Variants in NPTXR observed in about 807,000 individuals in gnomAD.
NPTXR encodes neuronal pentraxin receptor.
In NPTXR, 12 loss-of-function variants were observed where a neutral mutation model predicts 32.2. The ratio of observed to expected loss-of-function variants is 0.37; its 90% CI spans 0.24 to 0.60. The LOEUF (loss-of-function observed/expected upper bound fraction) is 0.60. NPTXR is among the 20% of genes least tolerant of loss of function. The pLI is 0.66. For missense variants in NPTXR, 612 were observed against 682.9 expected (o/e 0.90, Z 1.16); for synonymous variants, 323 against 315.8 (o/e 1.02, Z -0.24).
At position 38,821,000 on chromosome 22, in the gene NPTXR, T is replaced by G. The variant is rs950142313; in HGVS notation, c.*1609A>C. The G allele has an allele frequency of 6.6e-6, 1 of 152,344 alleles. No individual in the cohort carries two copies. Among genetic ancestry groups the G allele is most frequent in the African/African-American group, 2.4e-5 (1 of 41,430 alleles). The allele number at this position is 152,344 out of a possible 1,614,324, so 9.4% of individuals were successfully genotyped here. A position where few individuals can be genotyped will look rare whatever the true frequency, so the allele number is the denominator to read the frequency against. On this transcript the variant is annotated 3_prime_UTR_variant, in exon 5 of 5. Transcript: ENST00000333039. ...ACCTCCACCTCCTCAGTTCAAGAGA[T>G]TCTTCTGCCTCGGCCTCCCGAGTAG...
chr22:38,840,142 T>G (rs946357482), intron 1 of NPTXR, among the ~76,000 whole-genome samples: 1 of 152,162 alleles, frequency 6.6e-6, no homozygotes, highest in Non-Finnish European at 1.5e-5. Flanking sequence ...GACCTTCCCT[T>G]CCCTTTTGTA....
chr22:38,837,342 C>T (rs1274395458), intron 1 of NPTXR, among the ~76,000 whole-genome samples: 2 of 152,170 alleles, frequency 1.3e-5, no homozygotes, highest in African/African-American at 4.8e-5. Flanking sequence ...CAACCAAAGC[C>T]CAATAGCAGA....
chr22:38,822,198 C>T lies in NPTXR; in HGVS notation c.*411G>A, dbSNP rs1569326314. The T allele has an allele frequency of 4.4e-6, 1 of 226,642 alleles. No homozygotes were observed. 14.0% of individuals were successfully genotyped at this position (226,642 alleles called of 1,614,324 possible). On this transcript the variant is annotated 3_prime_UTR_variant, in exon 5 of 5. Coordinates refer to ENST00000333039, the MANE Select transcript of NPTXR (RefSeq NM_014293.4). ...TGTTGTGGCCCTGAAGGGGAAGCCA[C>T]TGGGCCTGTTGCATGGGGGACAAGG... is the stretch of plus-strand genomic sequence containing the variant.
chr22:38,840,045 C>T (rs532098790), intron 1 of NPTXR, among the ~76,000 whole-genome samples: 4 of 152,322 alleles, frequency 2.6e-5, no homozygotes, highest in African/African-American at 9.6e-5. Context: ...AATAACAACA[C>T]AAATAAAAAT....
At chr22:38,826,065 A>G (rs1414696524) in intron 3 of NPTXR, among the ~76,000 whole-genome samples, 4 of 151,964 alleles carry the variant, frequency 2.6e-5, no homozygotes, top group African/African-American at 4.8e-5. Flanking sequence ...GGATGGTCTC[A>G]ATCTCCTGAC....
chr22:38,829,197 G>A (rs1392508021), intron 1 of NPTXR, among the ~76,000 whole-genome samples: 3 of 152,202 alleles, frequency 2.0e-5, no homozygotes, highest in Non-Finnish European at 4.4e-5. Flanking sequence ...GGAGAGTTGT[G>A]GGGAGGACTA....
At chr22:38,841,645 A>G (rs574467767) in intron 1 of NPTXR, among the ~76,000 whole-genome samples, 1 of 152,378 alleles carries the variant, frequency 6.6e-6, no homozygotes, top group South Asian at 2.1e-4. Context: ...AAAAATGAGT[A>G]ATATTATAGC....
intron 1 of NPTXR, among the ~76,000 whole-genome samples, chr22:38,842,825 G>T (rs1436294404): frequency 6.6e-6 from 1 of 152,226 alleles, no homozygotes; most frequent in Non-Finnish European, 1.5e-5. Context: ...AAGTGTGAGC[G>T]TGGAGCTGGG....
chr22:38,831,665 A>G (rs1267812184), intron 1 of NPTXR, among the ~76,000 whole-genome samples: 3 of 151,084 alleles, frequency 2.0e-5, no homozygotes, highest in African/African-American at 2.4e-5. Flanking sequence ...AATCAGCTCA[A>G]GGGGCGCATT....
At chr22:38,832,290 C>T (rs1014570613) in intron 1 of NPTXR, among the ~76,000 whole-genome samples, 2 of 152,194 alleles carry the variant, frequency 1.3e-5, no homozygotes, top group African/African-American at 2.4e-5. Flanking sequence ...CAGGCTGTGC[C>T]GCGTGGGCTC....
chr22:38,823,004 G>C, intron 4 of NPTXR, 79 bp downstream of exon 4: 1 of 1,553,390 alleles, frequency 6.4e-7, no homozygotes, highest in Non-Finnish European at 8.8e-7. Flanking sequence ...TCCTTGGGCA[G>C]GTCTCTGATC....
intron 1 of NPTXR, among the ~76,000 whole-genome samples, chr22:38,830,291 A>AT (rs2093114112): frequency 6.6e-6 from 1 of 152,188 alleles, no homozygotes; most frequent in Admixed American, 6.5e-5. Flanking sequence ...GCCAGCATTA[A>AT]ATGATGGCGT....
intron 1 of NPTXR, among the ~76,000 whole-genome samples, chr22:38,838,731 G>A (rs1161052258): frequency 4.6e-5 from 7 of 152,000 alleles, no homozygotes; most frequent in African/African-American, 7.2e-5. Flanking sequence ...ACAGGTGCCC[G>A]CCACCATGCC....
Position 38,843,484 on chromosome 22 carries a change from C to T in NPTXR, c.375G>A (p.Leu125=). 7.6e-7 allele frequency: 1 copy of T among 1,314,916 alleles called. No individual in the cohort carries two copies. The highest frequency in any genetic ancestry group is 9.7e-7 in the Non-Finnish European group (1 of 1,035,216). The allele number at this position is 1,314,916 out of a possible 1,614,324, so 81.5% of individuals were successfully genotyped here. A position where few individuals can be genotyped will look rare whatever the true frequency, so the allele number is the denominator to read the frequency against. Residue 125 remains leucine, a synonymous_variant, in exon 1 of 5, where the codon CTG becomes CTA. Transcript: ENST00000333039. The surrounding 1 kb of genome is among the most constrained non-coding windows in gnomAD (Gnocchi z 5.3). ...GCAGCTGCTCGGCCGTGCTCTGCAG[C>T]AGCAGCAGCTCTTCGCGCTCGCCCG... is the stretch of plus-strand genomic sequence containing the variant.
chr22:38,820,905 A>T lies in NPTXR; in HGVS notation c.*1704T>A, dbSNP rs2093095953. Reference sequence around the variant, plus strand: ...TTTTCTCATCTTTAAGATTATTATTATTTTTTTGAGATGGAGTCTTGCTCT... The same window carrying T: ...TTTTCTCATCTTTAAGATTATTATTTTTTTTTTGAGATGGAGTCTTGCTCT... On this transcript the variant is annotated 3_prime_UTR_variant, in exon 5 of 5. Transcript: ENST00000333039. 1 of 151,966 alleles carries T rather than the reference A, an allele frequency of 6.6e-6. No homozygotes were observed. Among genetic ancestry groups the T allele is most frequent in the East Asian group, 1.9e-4 (1 of 5,176 alleles). The allele number at this position is 151,966 out of a possible 1,614,324, so 9.4% of individuals were successfully genotyped here. A position where few individuals can be genotyped will look rare whatever the true frequency, so the allele number is the denominator to read the frequency against.
At chr22:38,837,843 AT>A (rs895736505) in intron 1 of NPTXR, among the ~76,000 whole-genome samples, 25 of 74,730 alleles carry the variant, frequency 3.3e-4, no homozygotes, top group Non-Finnish European at 6.1e-4. Flanking sequence ...ATTTATTTTT[AT>A]TTTTTATTTT....
chr22:38,843,556 AG>A lies in NPTXR; in HGVS notation c.302del (p.Ala101ValfsTer115). On this transcript the variant is annotated frameshift_variant, in exon 1 of 5. Coordinates refer to ENST00000333039, the MANE Select transcript of NPTXR (RefSeq NM_014293.4). LOFTEE classifies it high-confidence loss of function. This position sits in a 1 kb window ranked among gnomAD's most constrained non-coding sequence, Gnocchi z 5.3. ...CCTGCTGGGCCCCCGACGGGCAGGC[AG>A]CAGCCAGCGGCGTGCACAGGAAGCG... 8.1e-7 allele frequency: 1 copy of A among 1,238,914 alleles called. No individual in the cohort carries two copies. The highest frequency in any genetic ancestry group is 1.0e-6 in the Non-Finnish European group (1 of 992,478). The allele number at this position is 1,238,914 out of a possible 1,614,324, so 76.7% of individuals were successfully genotyped here.
intron 1 of NPTXR, among the ~76,000 whole-genome samples, chr22:38,828,835 G>A (rs747003967): frequency 6.9e-4 from 105 of 152,332 alleles, no homozygotes; most frequent in Non-Finnish European, 1.4e-3. Flanking sequence ...GTGCAGCTGG[G>A]GCTGAACGCC....
chr22:38,827,733 G>C (rs756114029), intron 2 of NPTXR, among the ~76,000 whole-genome samples: 3 of 152,222 alleles, frequency 2.0e-5, no homozygotes, highest in Non-Finnish European at 4.4e-5. Context: ...GCCTGGGGAA[G>C]GAAGTGAACT....
Sources: allele counts gnomAD v4.1 joint callset (sites outside exome capture counted in the v4.1 genomes callset), GRCh38; gene constraint gnomAD v4.1.1; non-coding constraint Gnocchi (gnomAD v3.1); transcripts MANE v1.5; gene names NCBI Gene and HGNC (gene_info 2026-07-23, HGNC 2026-07-21).